The following AP2B1 variants were observed in gnomAD, a reference collection of about 807,000 sequenced individuals.
AP2B1 encodes the protein adaptor related protein complex 2 subunit beta 1.
In AP2B1, 23 loss-of-function variants were observed where a neutral mutation model predicts 102.0. The observed-to-expected ratio is 0.23, with a 90% CI of 0.16 to 0.32. AP2B1 has a LOEUF of 0.32. AP2B1 is among the 10% of genes least tolerant of loss of function. The pLI, the probability that AP2B1 is intolerant of heterozygous loss-of-function variation, is 1.00. For synonymous variants in AP2B1, 381 were observed against 421.2 expected, an observed-to-expected ratio of 0.90 and a Z score of 1.17; for missense variants, 541 against 1,157.4, an observed-to-expected ratio of 0.47 and a Z score of 7.73.
At chr17:35,626,926 A>T in intron 7 of AP2B1, 84 bp downstream of exon 7, 2 of 1,289,474 alleles carry the variant, frequency 1.6e-6, no homozygotes, top group Non-Finnish European at 2.2e-6. Context: ...GGCTAGTGTT[A>T]ATCTCTTTTT....
chr17:35,695,551 C>T (rs1000868382), intron 18 of AP2B1, among the ~76,000 whole-genome samples: 1 of 151,970 alleles, frequency 6.6e-6, no homozygotes, highest in Non-Finnish European at 1.5e-5. Flanking sequence ...AGGTAAGTTA[C>T]CTGTTATACT....
chr17:35,720,057 G>C (rs1555591983), intron 21 of AP2B1, among the ~76,000 whole-genome samples: 1 of 152,172 alleles, frequency 6.6e-6, no homozygotes, highest in Admixed American at 6.5e-5. Context: ...GAAGCAATGT[G>C]TGTCATTCCA....
intron 1 of AP2B1, among the ~76,000 whole-genome samples, chr17:35,589,829 T>TC (rs2073029327): frequency 6.6e-6 from 1 of 151,908 alleles, no homozygotes; most frequent in African/African-American, 2.4e-5. Context: ...GAACATTTTC[T>TC]CCCCCCATAG....
At position 35,718,312 on chromosome 17, in the gene AP2B1, C is replaced by CTGTGTG. The variant is rs57852031; in HGVS notation, c.2781+1004_2781+1009dup. Among the ~76,000 whole-genome samples the CTGTGTG allele has an allele frequency of 4.0e-3, 556 of 139,340 alleles. 1 individual carries two copies. The highest frequency in any genetic ancestry group is 4.8e-3 in the East Asian group (22 of 4,630). The allele number at this position is 139,340 out of a possible 152,430, so 91.4% of individuals were successfully genotyped here. On this transcript the variant is annotated intron_variant, in intron 21 of 21. Transcript: ENST00000610402. ...CCATCCTTGTAGTAAGTTGGAGTAGCTGTGTGTGTGTGTGTGTGTGTGTGT... is the reference window on the plus strand; with the variant it reads ...CCATCCTTGTAGTAAGTTGGAGTAGCTGTGTGTGTGTGTGTGTGTGTGTGTGTGTGT...
intron 5 of AP2B1, 30 bp from the exon 6 acceptor site, chr17:35,624,367 G>A (rs760485450): frequency 1.2e-6 from 2 of 1,608,338 alleles, no homozygotes; most frequent in East Asian, 2.2e-5. Context: ...TGTTCTTGGT[G>A]AATCAAGGTC....
In AP2B1 at chr17:35,616,196, G is replaced by A. The variant is rs574595225; in HGVS notation, c.525+7809G>A. Among the ~76,000 whole-genome samples the A allele has an allele frequency of 8.2e-3, 866 of 106,100 alleles. 12 individuals are homozygous for A. The highest frequency in any genetic ancestry group is 0.023 in the Middle Eastern group (2 of 88). 69.6% of individuals were successfully genotyped at this position (106,100 alleles called of 152,430 possible). A position where few individuals can be genotyped will look rare whatever the true frequency, so the allele number is the denominator to read the frequency against. ...TTTTTTTTTTTGGAGACGGAGTCTC[G>A]CTCAGTCGCCCAGGCTGGAGTGCAG... On this transcript the variant is annotated intron_variant, in intron 5 of 21. Coordinates refer to ENST00000610402, the MANE Select transcript of AP2B1 (RefSeq NM_001030006.2).
rs1248310756 is a variant in AP2B1, at chr17:35,674,292, A to T, written c.2295A>T (p.Thr765=). 1.2e-6 allele frequency: 2 copies of T among 1,614,184 alleles called. No homozygotes were observed. Among genetic ancestry groups the T allele is most frequent in the East Asian group, 2.2e-5 (1 of 44,884 alleles). The part of the protein sequence containing the change: ...NFTNKALQHM[T]DFAIQFNKNS... ...CCAATAAAGCTCTGCAGCACATGAC[A>T]GATTTTGCAATCCAGTTTAACAAAA... Residue 765 remains threonine (T), a synonymous_variant, in exon 17 of 22, where the codon ACA becomes ACT. Coordinates refer to ENST00000610402, the MANE Select transcript of AP2B1 (RefSeq NM_001030006.2).
chr17:35,684,853 C>T (rs974198561), intron 18 of AP2B1, among the ~76,000 whole-genome samples: 2 of 151,978 alleles, frequency 1.3e-5, no homozygotes, highest in African/African-American at 2.4e-5. Context: ...ATTTGGGTCA[C>T]AGAAACCAGG....
At chr17:35,619,794 A>G (rs1478601939) in intron 5 of AP2B1, among the ~76,000 whole-genome samples, 1 of 151,996 alleles carries the variant, frequency 6.6e-6, no homozygotes, top group Non-Finnish European at 1.5e-5. Flanking sequence ...TTTTACTTTT[A>G]TCTTTTTGGA....
chr17:35,605,796 A>G lies in AP2B1; in HGVS notation c.235A>G (p.Ser79Gly). 6.2e-7 allele frequency: 1 copy of G among 1,614,150 alleles called. No individual in the cohort carries two copies. The highest frequency in any genetic ancestry group is 8.5e-7 in the Non-Finnish European group (1 of 1,179,984). The change falls in exon 4 of 22, where the codon AGT becomes GGT. Residue 79 changes from serine (S) to glycine (G), a missense_variant. Physicochemically the swap from Ser to Gly is moderately conservative, Grantham distance 56. Transcript: ENST00000610402. ...TCTCTACTTGATGAACTACGCCAAG[A>G]GTCAGCCAGACATGGCCATCATGGC... ...VYLYLMNYAK[S>G]QPDMAIMAVN... is the part of the protein sequence containing the mutation.
chr17:35,678,955 CATT>C (rs2075758245), intron 17 of AP2B1, among the ~76,000 whole-genome samples: 1 of 119,572 alleles, frequency 8.4e-6, no homozygotes, highest in East Asian at 2.4e-4. Flanking sequence ...TGGTAGCTAG[CATT>C]GTTGTTTGTT....
At chr17:35,720,237 T>A (rs2085316938) in intron 21 of AP2B1, among the ~76,000 whole-genome samples, 1 of 152,010 alleles carries the variant, frequency 6.6e-6, no homozygotes, top group Admixed American at 6.6e-5. Flanking sequence ...ATTGAGCATG[T>A]CCAGGTGAAC....
At chr17:35,597,863 C>A (rs966477353) in intron 2 of AP2B1, among the ~76,000 whole-genome samples, 1 of 152,104 alleles carries the variant, frequency 6.6e-6, no homozygotes, top group Non-Finnish European at 1.5e-5. Context: ...GCGCCTGCTC[C>A]CTACCTACGT....
intron 14 of AP2B1, among the ~76,000 whole-genome samples, chr17:35,669,148 T>C (rs2075533323): frequency 6.6e-6 from 1 of 151,720 alleles, no homozygotes; most frequent in African/African-American, 2.4e-5. Flanking sequence ...ATGCCTTTTT[T>C]TTTTTTTTTT....
At chr17:35,606,257 T>G (rs57535143) in intron 4 of AP2B1, among the ~76,000 whole-genome samples, 1 of 151,970 alleles carries the variant, frequency 6.6e-6, no homozygotes, top group East Asian at 1.9e-4. Flanking sequence ...TTTTTTTTTT[T>G]GATACAGAGT....
chr17:35,664,817 G>A (rs1307118037), intron 14 of AP2B1, among the ~76,000 whole-genome samples: 1 of 152,114 alleles, frequency 6.6e-6, no homozygotes, highest in Non-Finnish European at 1.5e-5. Flanking sequence ...GAATAAAGAG[G>A]TTCTCTTGTT....
chr17:35,709,686 TATTTCATGAG>T (rs1467553042), intron 19 of AP2B1, among the ~76,000 whole-genome samples: 2 of 152,188 alleles, frequency 1.3e-5, no homozygotes, highest in African/African-American at 4.8e-5. Context: ...TTTTTATAAT[TATTTCATGAG>T]ATAATACATG....
chr17:35,605,008 C>T (rs141954922), intron 3 of AP2B1, among the ~76,000 whole-genome samples: 41 of 152,166 alleles, frequency 2.7e-4, no homozygotes, highest in African/African-American at 5.8e-4. Context: ...ACTGCAGTCT[C>T]GACCTCCTGC....
rs587615351 is a variant in AP2B1 at position 35,715,314 on chromosome 17, A to G, written c.2627-1881A>G. On this transcript the variant is annotated intron_variant, in intron 20 of 21. Coordinates refer to ENST00000610402, the MANE Select transcript of AP2B1 (RefSeq NM_001030006.2). ...GAGTGAGAATAAGAGAGAGAGAGAC[A>G]GAGAGAGTTTCTTAGCCTGTCATCT... Among the ~76,000 whole-genome samples the G allele has an allele frequency of 5.3e-5, 8 of 152,356 alleles. No homozygotes were observed. In the South Asian group the frequency reaches 1.7e-3, roughly 32 times the overall value.
Sources: allele counts gnomAD v4.1 joint callset (sites outside exome capture counted in the v4.1 genomes callset), GRCh38; gene constraint gnomAD v4.1.1; transcripts MANE v1.5; gene names NCBI Gene and HGNC (gene_info 2026-07-23, HGNC 2026-07-21).